The following BCAT1 variants were observed in gnomAD, a reference collection of about 807,000 sequenced individuals.
The protein encoded by BCAT1 is branched chain amino acid transaminase 1.
A neutral mutation model predicts 52.4 loss-of-function variants in BCAT1; 48 were observed. The observed-to-expected ratio is 0.92, with a 90% CI of 0.73 to 1.16. The LOEUF is 1.16. BCAT1 is among the 50% of genes most tolerant of loss of function. BCAT1 has a pLI of 0.00. For synonymous variants in BCAT1, 167 were observed against 161.3 expected, an observed-to-expected ratio of 1.04 and a Z score of -0.27; for missense variants, 451 against 457.1, an observed-to-expected ratio of 0.99 and a Z score of 0.12.
chr12:24,824,168 C>T (rs1040018311), intron 10 of BCAT1, among the ~76,000 whole-genome samples: 1 of 152,132 alleles, frequency 6.6e-6, no homozygotes, highest in Non-Finnish European at 1.5e-5. Flanking sequence ...CAATTTTTCT[C>T]AGCCTAGTGA....
intron 1 of BCAT1, among the ~76,000 whole-genome samples, chr12:24,943,819 C>CA (rs1362518503): frequency 1.3e-5 from 2 of 151,624 alleles, no homozygotes; most frequent in Admixed American, 6.6e-5. Flanking sequence ...CCCGTCTCTA[C>CA]AAAAAATACA....
At chr12:24,875,585 T>C (rs922546487) in intron 5 of BCAT1, among the ~76,000 whole-genome samples, 3 of 152,192 alleles carry the variant, frequency 2.0e-5, no homozygotes, top group African/African-American at 4.8e-5. Context: ...AAGAGAACCA[T>C]TCAGCAGGGC....
chr12:24,851,523 G>A (rs1374943230), intron 5 of BCAT1, among the ~76,000 whole-genome samples: 1 of 152,186 alleles, frequency 6.6e-6, no homozygotes, highest in African/African-American at 2.4e-5. Context: ...TTAGGAAATG[G>A]GAAGGTAATT....
intron 3 of BCAT1, among the ~76,000 whole-genome samples, chr12:24,893,810 C>T (rs1942897433): frequency 6.6e-6 from 1 of 152,152 alleles, no homozygotes; most frequent in African/African-American, 2.4e-5. Flanking sequence ...AAAATTATTT[C>T]AACTCATGGC....
rs768535739 is a variant in BCAT1, at chr12:24,836,518, T to G, written c.896A>C (p.His299Pro). 6.2e-7 allele frequency: 1 copy of G among 1,612,440 alleles called. No homozygotes were observed. Among genetic ancestry groups the G allele is most frequent in the Admixed American group, 1.7e-5 (1 of 59,886 alleles). The change falls in exon 8 of 11, where the codon CAT becomes CCT. Residue 299 changes from histidine (H) to proline (P), a missense_variant. Coordinates refer to ENST00000261192, the MANE Select transcript of BCAT1 (RefSeq NM_005504.7). ...VTRRCILDLA[H>P]QWGEFKVSER... ...CATATCAAAGGCACCCACCCACTGA[T>G]GTGCCAGGTCCAGAATGCACCGCCT... is the stretch of plus-strand genomic sequence containing the variant.
In BCAT1 at chr12:24,812,373, G is replaced by C. The variant is rs1211128092; in HGVS notation, c.*5635C>G. On this transcript the variant is annotated 3_prime_UTR_variant, in exon 11 of 11. Coordinates refer to ENST00000261192, the MANE Select transcript of BCAT1 (RefSeq NM_005504.7). ...AACTTATTATTTTATTTGGCCTCAAGAAGCTTCATGGATCTTAGAATAAAA... is the reference window on the plus strand; with the variant it reads ...AACTTATTATTTTATTTGGCCTCAACAAGCTTCATGGATCTTAGAATAAAA... 1 of 151,990 alleles carries C rather than the reference G, an allele frequency of 6.6e-6. No homozygotes were observed. Among genetic ancestry groups the C allele is most frequent in the Non-Finnish European group, 1.5e-5 (1 of 67,896 alleles). The allele number at this position is 151,990 out of a possible 1,614,324, so 9.4% of individuals were successfully genotyped here.
chr12:24,902,765 G>A (rs1216099062), intron 1 of BCAT1: 6 of 877,814 alleles, frequency 6.8e-6, no homozygotes, highest in Admixed American at 5.9e-5. Flanking sequence ...ATTGCAGGCT[G>A]GGACTCCAGA....
chr12:24,844,384 T>C (rs1042458709), intron 6 of BCAT1, among the ~76,000 whole-genome samples: 28 of 151,974 alleles, frequency 1.8e-4, no homozygotes, highest in African/African-American at 6.5e-4. Flanking sequence ...TGAGCCGAGA[T>C]TGTGCCATGG....
At chr12:24,884,539 A>G (rs1942602396) in intron 3 of BCAT1, among the ~76,000 whole-genome samples, 1 of 152,240 alleles carries the variant, frequency 6.6e-6, no homozygotes. Flanking sequence ...GAGTATGCTA[A>G]TTAGCTTGAT....
intron 1 of BCAT1, among the ~76,000 whole-genome samples, chr12:24,905,971 G>A (rs375146378): frequency 6.6e-6 from 1 of 151,216 alleles, no homozygotes; most frequent in East Asian, 1.9e-4. Context: ...CCAGATTTCA[G>A]CAAGAATGGA....
At position 24,816,072 on chromosome 12, in the gene BCAT1, C is replaced by G. The variant is rs1204581338; in HGVS notation, c.*1936G>C. 1 of 153,018 alleles carries G rather than the reference C, an allele frequency of 6.5e-6. No individual in the cohort carries two copies. The highest frequency in any genetic ancestry group is 1.5e-5 in the Non-Finnish European group (1 of 68,648). 9.5% of individuals were successfully genotyped at this position (153,018 alleles called of 1,614,324 possible). On this transcript the variant is annotated 3_prime_UTR_variant, in exon 11 of 11. Transcript: ENST00000261192. ...CTCAGGCCTGAAAAGAACAGCTTCTCCCAAGATTTCAGATCACCAATTAAA... is the reference window on the plus strand; with the variant it reads ...CTCAGGCCTGAAAAGAACAGCTTCTGCCAAGATTTCAGATCACCAATTAAA...
In BCAT1 at chr12:24,949,022, T is replaced by A; in HGVS notation, c.-90A>T. The A allele has an allele frequency of 1.4e-6, 2 of 1,418,226 alleles. No homozygotes were observed. Among genetic ancestry groups the A allele is most frequent in the Non-Finnish European group, 9.7e-7 (1 of 1,030,024 alleles). 87.9% of individuals were successfully genotyped at this position (1,418,226 alleles called of 1,614,324 possible). A position where few individuals can be genotyped will look rare whatever the true frequency, so the allele number is the denominator to read the frequency against. The stretch of plus-strand genomic sequence containing the variant: ...TGGCCGTGTGGACCGGGTCTGCGGC[T>A]GCAGAGCGCGGTCCCGGCTGCAGCA... On this transcript the variant is annotated 5_prime_UTR_variant, in exon 1 of 11. Transcript: ENST00000261192.
intron 2 of BCAT1, among the ~76,000 whole-genome samples, chr12:24,900,762 T>C (rs1943081982): frequency 6.6e-6 from 1 of 152,100 alleles, no homozygotes; most frequent in Non-Finnish European, 1.5e-5. Context: ...GATAACCCCA[T>C]CTCTACTAAA....
At chr12:24,878,386 C>A (rs1942404033) in intron 5 of BCAT1, 144 bp downstream of exon 5, 4 of 774,790 alleles carry the variant, frequency 5.2e-6, no homozygotes, top group Non-Finnish European at 7.4e-6. Flanking sequence ...TGTTTGCTAC[C>A]TCTAATCTTG....
intron 1 of BCAT1, among the ~76,000 whole-genome samples, chr12:24,920,840 A>G (rs1482322743): frequency 6.6e-6 from 1 of 152,174 alleles, no homozygotes; most frequent in African/African-American, 2.4e-5. Flanking sequence ...GGTTTGATTA[A>G]TTTGCTAGCG....
chr12:24,911,053 A>G (rs143009751), intron 1 of BCAT1, among the ~76,000 whole-genome samples: 2 of 152,156 alleles, frequency 1.3e-5, no homozygotes, highest in African/African-American at 4.8e-5. Context: ...GCAGTGAGCC[A>G]AGATCGCACT....
chr12:24,930,284 A>G (rs1591884973), intron 1 of BCAT1, among the ~76,000 whole-genome samples: 1 of 152,154 alleles, frequency 6.6e-6, no homozygotes, highest in Non-Finnish European at 1.5e-5. Context: ...TATTCCCTAC[A>G]CAGCCTCTGA....
intron 10 of BCAT1, 78 bp downstream of exon 10, chr12:24,829,745 G>C: frequency 8.6e-7 from 1 of 1,165,422 alleles, no homozygotes. Context: ...TAATTTAGTT[G>C]TAAGCTCTGA....
chr12:24,865,422 T>C (rs1229030957), intron 5 of BCAT1, among the ~76,000 whole-genome samples: 1 of 152,252 alleles, frequency 6.6e-6, no homozygotes, highest in African/African-American at 2.4e-5. Flanking sequence ...TATCCTTGAA[T>C]GTATGTCTTC....
Sources: gnomAD v4.1 joint callset for allele counts (sites outside exome capture counted in the v4.1 genomes callset) on GRCh38, gnomAD v4.1.1 for gene constraint, MANE v1.5 for transcripts, NCBI Gene and HGNC (gene_info 2026-07-23, HGNC 2026-07-21) for gene names.